Variants in TXNRD2 observed in about 807,000 individuals in gnomAD.
TXNRD2 encodes the protein thioredoxin reductase 2.
Under a neutral mutation model 70.8 loss-of-function variants are expected in TXNRD2, and 67 were observed. That is an observed-to-expected ratio of 0.95 (90% confidence interval 0.78 to 1.16). The LOEUF is 1.16. Ranked by LOEUF, TXNRD2 falls within the 50% of genes most tolerant of loss-of-function variation. The pLI, the probability that TXNRD2 is intolerant of heterozygous loss-of-function variation, is 0.00. For synonymous variants in TXNRD2, 301 were observed against 295.8 expected (o/e 1.02, Z -0.18); for missense variants, 644 against 719.9 (o/e 0.89, Z 1.21).
At chr22:19,890,951 AC>A (rs1009110985) in intron 11 of TXNRD2, among the ~76,000 whole-genome samples, 2 of 152,022 alleles carry the variant, frequency 1.3e-5, no homozygotes, top group African/African-American at 4.8e-5. Flanking sequence ...TCTCCTGGGC[AC>A]CCCAGTCTCT....
At chr22:19,932,844 G>A (rs1338324768) in intron 1 of TXNRD2, among the ~76,000 whole-genome samples, 1 of 152,210 alleles carries the variant, frequency 6.6e-6, no homozygotes, top group East Asian at 1.9e-4. Context: ...CTCCATCAGA[G>A]CCTAGCGTCT....
intron 11 of TXNRD2, among the ~76,000 whole-genome samples, chr22:19,892,956 T>A (rs1404497831): frequency 6.6e-6 from 1 of 152,272 alleles, no homozygotes; most frequent in South Asian, 2.1e-4. Context: ...TTGCTCTTGC[T>A]GACTGATCAC....
At chr22:19,933,088 G>A (rs1941425358) in intron 1 of TXNRD2, among the ~76,000 whole-genome samples, 1 of 152,230 alleles carries the variant, frequency 6.6e-6, no homozygotes. Flanking sequence ...GCCATGGCCT[G>A]CAGCGAGCCT....
At chr22:19,928,635 C>T (rs1364316049) in intron 2 of TXNRD2, among the ~76,000 whole-genome samples, 1 of 152,116 alleles carries the variant, frequency 6.6e-6, no homozygotes, top group African/African-American at 2.4e-5. Context: ...AGCCATATCC[C>T]CTCAAAATCC....
At chr22:19,889,689 T>C (rs1294310158) in intron 11 of TXNRD2, among the ~76,000 whole-genome samples, 1 of 152,124 alleles carries the variant, frequency 6.6e-6, no homozygotes, top group Non-Finnish European at 1.5e-5. Context: ...TTGCTCAGGC[T>C]GGTCTTGAAC....
At chr22:19,913,039 G>A (rs1246520622) in intron 7 of TXNRD2, among the ~76,000 whole-genome samples, 1 of 152,152 alleles carries the variant, frequency 6.6e-6, no homozygotes, top group Non-Finnish European at 1.5e-5. Flanking sequence ...GGTTCCCTGG[G>A]AGACCCGTGG....
At chr22:19,933,758 G>C (rs986354238) in intron 1 of TXNRD2, among the ~76,000 whole-genome samples, 2 of 152,208 alleles carry the variant, frequency 1.3e-5, no homozygotes, top group Non-Finnish European at 2.9e-5. Flanking sequence ...TGTTCTGTGG[G>C]AGGAAGGGCT....
Position 19,941,473 on chromosome 22 carries a change from G to A in TXNRD2, c.103+228C>T. On this transcript the variant is annotated intron_variant, in intron 1 of 17. Transcript: ENST00000400521. ...ACCACAGGTGCAGTCAGCACAGCAG[G>A]ACCTTAGACAAGGCACCCAGCCCCA... The A allele has an allele frequency of 8.1e-6, 5 of 620,720 alleles. 1 individual carries two copies. In the South Asian group the frequency reaches 1.7e-4, roughly 21 times the overall value. 38.5% of individuals were successfully genotyped at this position (620,720 alleles called of 1,614,324 possible).
chr22:19,932,523 G>T, intron 1 of TXNRD2: 1 of 1,553,316 alleles, frequency 6.4e-7, no homozygotes, highest in African/African-American at 1.3e-5. Flanking sequence ...AGTAGAGAGG[G>T]GAAGTACACT....
intron 1 of TXNRD2, among the ~76,000 whole-genome samples, chr22:19,934,394 A>AC (rs1555915972): frequency 2.0e-5 from 3 of 151,056 alleles, no homozygotes; most frequent in African/African-American, 7.3e-5. Context: ...AAAAAAAAAA[A>AC]AAAAAAACTG....
intron 2 of TXNRD2, among the ~76,000 whole-genome samples, chr22:19,925,208 C>T (rs562450103): frequency 1.8e-4 from 27 of 151,856 alleles, no homozygotes; most frequent in African/African-American, 4.1e-4. Flanking sequence ...GGCGCAAACC[C>T]GGGAGGCAGA....
At chr22:19,911,139 C>G in intron 8 of TXNRD2, 1 of 623,862 alleles carries the variant, frequency 1.6e-6, no homozygotes, top group South Asian at 1.7e-5. Context: ...CTATATTGCC[C>G]AGGCTGATGC....
intron 8 of TXNRD2, among the ~76,000 whole-genome samples, chr22:19,900,665 G>GT (rs1939734406): frequency 6.6e-6 from 1 of 152,064 alleles, no homozygotes; most frequent in Non-Finnish European, 1.5e-5. Context: ...CAGGAGAATG[G>GT]TGTAAACCCA....
intron 6 of TXNRD2, 58 bp downstream of exon 6, chr22:19,915,707 G>A: frequency 1.3e-6 from 2 of 1,495,760 alleles, no homozygotes; most frequent in African/African-American, 1.4e-5. Context: ...GCTGCAGTTG[G>A]TGCCCAAGGT....
At chr22:19,891,850 A>C (rs1171852169) in intron 11 of TXNRD2, 2 of 152,226 alleles carry the variant, frequency 1.3e-5, no homozygotes, top group Admixed American at 6.5e-5. Context: ...TGTTTAATCC[A>C]CCACGTGGAG....
chr22:19,932,017 CG>C (rs1181320049), intron 1 of TXNRD2, among the ~76,000 whole-genome samples: 2 of 151,560 alleles, frequency 1.3e-5, no homozygotes, highest in Non-Finnish European at 2.9e-5. Flanking sequence ...AAAAATTAGC[CG>C]GGCATGGTGG....
At chr22:19,879,484 T>C (rs1025829029) in intron 14 of TXNRD2, among the ~76,000 whole-genome samples, 1 of 136,124 alleles carries the variant, frequency 7.3e-6, no homozygotes, top group African/African-American at 2.7e-5. Flanking sequence ...AAAACCCCTT[T>C]CCTCAAGGGT....
intron 2 of TXNRD2, among the ~76,000 whole-genome samples, chr22:19,921,280 T>G (rs1302117716): frequency 1.3e-5 from 2 of 151,914 alleles, no homozygotes; most frequent in African/African-American, 4.8e-5. Flanking sequence ...CTGGGTGTGG[T>G]GGCATGCGCC....
At chr22:19,912,521 C>A (rs1287645538) in intron 7 of TXNRD2, among the ~76,000 whole-genome samples, 1 of 152,246 alleles carries the variant, frequency 6.6e-6, no homozygotes, top group Non-Finnish European at 1.5e-5. Context: ...GGTGCGGATG[C>A]ACGTGCAGCT....
Sources: gnomAD v4.1 joint callset for allele counts (sites outside exome capture counted in the v4.1 genomes callset) on GRCh38, gnomAD v4.1.1 for gene constraint, MANE v1.5 for transcripts, NCBI Gene and HGNC (gene_info 2026-07-23, HGNC 2026-07-21) for gene names.